Variants in SPOCK1 observed in about 807,000 individuals in gnomAD.
SPOCK1 encodes SPARC (osteonectin), cwcv and kazal like domains proteoglycan 1, also known as testican-1.
SPOCK1 carries 23 observed loss-of-function variants against 55.3 expected under a neutral mutation model. That is an observed-to-expected ratio of 0.42 (90% confidence interval 0.30 to 0.59). The LOEUF (loss-of-function observed/expected upper bound fraction) is 0.59, where lower values mean the gene tolerates loss of function less well. Ranked by LOEUF, SPOCK1 falls within the 20% of genes least tolerant of loss-of-function variation. The pLI is 0.22. For synonymous variants in SPOCK1, 226 were observed against 221.0 expected (o/e 1.02, Z -0.20); for missense variants, 499 against 552.5 (o/e 0.90, Z 0.97).
intron 3 of SPOCK1, among the ~76,000 whole-genome samples, chr5:137,164,594 A>G (rs1349026115): frequency 6.6e-6 from 1 of 152,160 alleles, no homozygotes; most frequent in African/African-American, 2.4e-5. Flanking sequence ...ACAGTGAGAT[A>G]GAGTACCAAG....
At chr5:137,025,076 A>G (rs1000316023) in intron 6 of SPOCK1, among the ~76,000 whole-genome samples, 5 of 152,200 alleles carry the variant, frequency 3.3e-5, no homozygotes, top group African/African-American at 1.2e-4. Context: ...GATATCATCA[A>G]AGAGTGGAAC....
intron 3 of SPOCK1, among the ~76,000 whole-genome samples, chr5:137,213,317 T>C (rs1392436539): frequency 1.3e-5 from 2 of 152,178 alleles, no homozygotes; most frequent in African/African-American, 2.4e-5. Context: ...AACAAGTAAG[T>C]GCAGAAACAG....
chr5:137,067,564 G>C, intron 6 of SPOCK1, 151 bp downstream of exon 6: 2 of 600,218 alleles, frequency 3.3e-6, no homozygotes, highest in Non-Finnish European at 5.9e-6. Context: ...AAGGCAATTC[G>C]GTTTAGGGTC....
chr5:137,140,822 G>A (rs932788869), intron 3 of SPOCK1, 128 bp from the exon 4 acceptor site: 12 of 540,740 alleles, frequency 2.2e-5, no homozygotes, highest in African/African-American at 8.3e-5. Flanking sequence ...GCGGTGGCGC[G>A]ATCTCAGCTC....
intron 2 of SPOCK1, among the ~76,000 whole-genome samples, chr5:137,364,661 C>T (rs1395774820): frequency 6.6e-6 from 1 of 152,118 alleles, no homozygotes; most frequent in Non-Finnish European, 1.5e-5. Flanking sequence ...ATGAAAAGGG[C>T]AAAATCTGAA....
intron 2 of SPOCK1, among the ~76,000 whole-genome samples, chr5:137,389,131 C>T (rs576657932): frequency 6.6e-6 from 1 of 152,336 alleles, no homozygotes; most frequent in South Asian, 2.1e-4. Flanking sequence ...AAATAAGACA[C>T]ATAAGTTCCA....
At chr5:137,370,955 C>G (rs974287411) in intron 2 of SPOCK1, among the ~76,000 whole-genome samples, 1 of 152,328 alleles carries the variant, frequency 6.6e-6, no homozygotes, top group African/African-American at 2.4e-5. Context: ...CTGTGCTGCT[C>G]TCACAGCTGG....
chr5:137,068,733 C>A (rs1043698692), intron 5 of SPOCK1, among the ~76,000 whole-genome samples: 1 of 152,216 alleles, frequency 6.6e-6, no homozygotes, highest in Non-Finnish European at 1.5e-5. Flanking sequence ...TTAATGCATT[C>A]CACAACACTG....
intron 3 of SPOCK1, among the ~76,000 whole-genome samples, chr5:137,213,204 T>C (rs1021905005): frequency 1.3e-5 from 2 of 152,210 alleles, no homozygotes; most frequent in African/African-American, 2.4e-5. Flanking sequence ...TACCCTTTAC[T>C]GAGCACTTGC....
rs1456642576 is a variant in SPOCK1 at position 137,117,735 on chromosome 5, A to T, written c.348-5174T>A. 5.3e-5 allele frequency among the ~76,000 whole-genome samples: 8 copies of T among 152,082 alleles called. No homozygotes were observed. In the South Asian group the frequency reaches 1.7e-3, roughly 31 times the overall value. ...AGACTATGAAAAAAAAAAACCATTT[A>T]GCAAAAAATCCCACAAAACTCTAGA... On this transcript the variant is annotated intron_variant, in intron 4 of 10. Transcript: ENST00000394945.
chr5:137,340,741 C>T (rs1006996103), intron 2 of SPOCK1, among the ~76,000 whole-genome samples: 2 of 152,020 alleles, frequency 1.3e-5, no homozygotes, highest in Non-Finnish European at 1.5e-5. Context: ...ATTAGCTGGG[C>T]GTGGTGGTGT....
intron 6 of SPOCK1, among the ~76,000 whole-genome samples, chr5:137,044,761 T>A (rs1752077065): frequency 6.7e-6 from 1 of 150,246 alleles, no homozygotes; most frequent in Non-Finnish European, 1.5e-5. Flanking sequence ...TCATCTAGCA[T>A]TAGGTATATC....
chr5:137,486,910 G>A (rs899994274), intron 2 of SPOCK1, among the ~76,000 whole-genome samples: 1 of 152,202 alleles, frequency 6.6e-6, no homozygotes, highest in Non-Finnish European at 1.5e-5. Flanking sequence ...GACAAGGCTG[G>A]CTGACTCAGA....
chr5:137,379,878 A>C (rs1433879514), intron 2 of SPOCK1, among the ~76,000 whole-genome samples: 1 of 152,368 alleles, frequency 6.6e-6, no homozygotes, highest in Middle Eastern at 3.4e-3. Context: ...TTCAGACCTT[A>C]GGGGTGCATT....
chr5:137,148,461 A>G (rs1346723759), intron 3 of SPOCK1, among the ~76,000 whole-genome samples: 2 of 152,172 alleles, frequency 1.3e-5, no homozygotes, highest in African/African-American at 2.4e-5. Flanking sequence ...CAAAGCTATC[A>G]TCTCACATTT....
intron 2 of SPOCK1, among the ~76,000 whole-genome samples, chr5:137,388,311 A>G (rs2127177964): frequency 6.6e-6 from 1 of 152,076 alleles, no homozygotes; most frequent in South Asian, 2.1e-4. Context: ...TGGCAGACCA[A>G]GAAACCCCAC....
intron 7 of SPOCK1, among the ~76,000 whole-genome samples, chr5:136,990,138 C>T (rs2126962830): frequency 6.6e-6 from 1 of 152,248 alleles, no homozygotes; most frequent in East Asian, 1.9e-4. Flanking sequence ...TCTCGATCTC[C>T]TGACCTCGTG....
At chr5:137,092,351 C>A (rs1402609277) in intron 5 of SPOCK1, among the ~76,000 whole-genome samples, 1 of 152,184 alleles carries the variant, frequency 6.6e-6, no homozygotes, top group African/African-American at 2.4e-5. Flanking sequence ...CCTGAGGAAG[C>A]GACCGAGGGG....
chr5:137,162,637 C>T (rs994157937), intron 3 of SPOCK1, among the ~76,000 whole-genome samples: 3 of 152,064 alleles, frequency 2.0e-5, no homozygotes, highest in African/African-American at 7.2e-5. Flanking sequence ...CTACAATGTA[C>T]AAGACAGCTT....
Sources: gnomAD v4.1 joint callset for allele counts (sites outside exome capture counted in the v4.1 genomes callset) on GRCh38, gnomAD v4.1.1 for gene constraint, MANE v1.5 for transcripts, NCBI Gene and HGNC (gene_info 2026-07-23, HGNC 2026-07-21) for gene names.